ITGA9: variants seen among roughly 807,000 people sequenced by gnomAD.
The protein encoded by ITGA9 is integrin alpha-9.
Under a neutral mutation model 127.8 loss-of-function variants are expected in ITGA9, and 56 were observed. The observed-to-expected ratio is 0.44, with a 90% CI of 0.35 to 0.55. The LOEUF (loss-of-function observed/expected upper bound fraction) is 0.55. Among genes scored for constraint, ITGA9 ranks in the 20% least tolerant of loss-of-function variants. ITGA9 has a pLI of 0.00. For synonymous variants in ITGA9, 508 were observed against 514.5 expected (o/e 0.99, Z 0.17); for missense variants, 1,196 against 1,347.1 (o/e 0.89, Z 1.76).
intron 15 of ITGA9, among the ~76,000 whole-genome samples, chr3:37,616,854 G>T (rs949406016): frequency 3.3e-5 from 5 of 152,286 alleles, no homozygotes; most frequent in Non-Finnish European, 5.9e-5. Context: ...GAGCCTATGT[G>T]TGTCTCTGCA....
chr3:37,713,274 G>A (rs1701098135), intron 18 of ITGA9, among the ~76,000 whole-genome samples: 1 of 152,182 alleles, frequency 6.6e-6, no homozygotes, highest in African/African-American at 2.4e-5. Flanking sequence ...AGAAGTTCAT[G>A]TGACCTTTCC....
intron 23 of ITGA9, among the ~76,000 whole-genome samples, chr3:37,769,338 CAAA>C (rs35133772): frequency 2.6e-4 from 30 of 114,296 alleles, no homozygotes; most frequent in Admixed American, 3.4e-4. Flanking sequence ...AACTCTGTCT[CAAA>C]AAAAAAAAAA....
intron 18 of ITGA9, among the ~76,000 whole-genome samples, chr3:37,701,882 G>A (rs969005942): frequency 6.6e-6 from 1 of 152,188 alleles, no homozygotes; most frequent in Non-Finnish European, 1.5e-5. Context: ...CATTTGAGGA[G>A]ATTAAATACA....
intron 18 of ITGA9, among the ~76,000 whole-genome samples, chr3:37,730,865 G>GGT (rs1696282401): frequency 6.6e-6 from 1 of 152,208 alleles, no homozygotes; most frequent in African/African-American, 2.4e-5. Flanking sequence ...GAGCAGGCAG[G>GGT]GTGTGTGTAG....
chr3:37,480,207 G>T (rs936696241), intron 3 of ITGA9, among the ~76,000 whole-genome samples: 2 of 151,834 alleles, frequency 1.3e-5, no homozygotes, highest in Non-Finnish European at 2.9e-5. Context: ...CCACTGTCAT[G>T]TCCAAGCAGA....
intron 27 of ITGA9, among the ~76,000 whole-genome samples, chr3:37,816,416 C>T (rs1053317212): frequency 1.1e-4 from 16 of 152,202 alleles, no homozygotes; most frequent in African/African-American, 3.6e-4. Flanking sequence ...AATCCTATTT[C>T]CCTGTTACAT....
At chr3:37,792,209 A>G (rs949352874) in intron 26 of ITGA9, among the ~76,000 whole-genome samples, 1 of 152,232 alleles carries the variant, frequency 6.6e-6, no homozygotes, top group Non-Finnish European at 1.5e-5. Context: ...TCTAATGGTC[A>G]TCATTTGCTT....
At chr3:37,716,812 T>C (rs1701140313) in intron 18 of ITGA9, among the ~76,000 whole-genome samples, 2 of 152,028 alleles carry the variant, frequency 1.3e-5, no homozygotes, top group South Asian at 2.1e-4. Flanking sequence ...AAAACAAATA[T>C]AGGAGAAAAG....
At chr3:37,815,058 C>T (rs982525485) in intron 27 of ITGA9, among the ~76,000 whole-genome samples, 1 of 152,184 alleles carries the variant, frequency 6.6e-6, no homozygotes, top group Non-Finnish European at 1.5e-5. Context: ...GGGTGATTTT[C>T]AGGCCTAATG....
At chr3:37,473,202 C>G in intron 2 of ITGA9, 152 bp from the exon 3 acceptor site, 7 of 325,040 alleles carry the variant, frequency 2.2e-5, no homozygotes, top group Non-Finnish European at 2.4e-5. Flanking sequence ...AAACAGTTGT[C>G]TGGATTAAAC....
chr3:37,694,645 G>A (rs1700865829), intron 18 of ITGA9, among the ~76,000 whole-genome samples: 2 of 152,184 alleles, frequency 1.3e-5, no homozygotes, highest in Non-Finnish European at 2.9e-5. Context: ...TCCCAGAGCC[G>A]CAAGACTTGA....
At chr3:37,487,048 T>C (rs1048323495) in intron 4 of ITGA9, among the ~76,000 whole-genome samples, 2 of 152,220 alleles carry the variant, frequency 1.3e-5, no homozygotes, top group African/African-American at 4.8e-5. Context: ...CGAAGGTCCA[T>C]TTACAAATGA....
At chr3:37,587,752 G>A (rs1699772396) in intron 15 of ITGA9, among the ~76,000 whole-genome samples, 1 of 152,248 alleles carries the variant, frequency 6.6e-6, no homozygotes, top group South Asian at 2.1e-4. Context: ...GTTTTGTGAT[G>A]TAGGAATTAT....
chr3:37,761,401 G>A (rs1241328818), intron 23 of ITGA9, among the ~76,000 whole-genome samples: 1 of 152,178 alleles, frequency 6.6e-6, no homozygotes, highest in Non-Finnish European at 1.5e-5. Flanking sequence ...GATAGTAGGT[G>A]TATATTATCA....
chr3:37,666,986 A>C (rs1421054641), intron 17 of ITGA9, among the ~76,000 whole-genome samples: 1 of 152,174 alleles, frequency 6.6e-6, no homozygotes, highest in Non-Finnish European at 1.5e-5. Context: ...GCTCCCTGGC[A>C]CTTGCATCCT....
chr3:37,741,598 C>T, intron 20 of ITGA9, 132 bp from the exon 21 acceptor site: 1 of 737,262 alleles, frequency 1.4e-6, no homozygotes, highest in Non-Finnish European at 2.5e-6. Flanking sequence ...GGACCAAAAA[C>T]AGACTGAAGG....
chr3:37,725,156 C>G (rs1376414073), intron 18 of ITGA9, among the ~76,000 whole-genome samples: 10 of 152,226 alleles, frequency 6.6e-5, no homozygotes, highest in African/African-American at 2.2e-4. Context: ...CAGGGATCAA[C>G]AGGAGTGCTT....
At chr3:37,668,665 T>G (rs1469651660) in intron 17 of ITGA9, among the ~76,000 whole-genome samples, 1 of 152,178 alleles carries the variant, frequency 6.6e-6, no homozygotes, top group Non-Finnish European at 1.5e-5. Flanking sequence ...AGCAGCGCAG[T>G]TGTTTGTTGT....
chr3:37,711,061 G>C (rs1291292376), intron 18 of ITGA9, among the ~76,000 whole-genome samples: 1 of 152,222 alleles, frequency 6.6e-6, no homozygotes, highest in Non-Finnish European at 1.5e-5. Flanking sequence ...ATGTTGGCTG[G>C]GGATGCAGTT....
Sources: gnomAD v4.1 joint callset for allele counts (sites outside exome capture counted in the v4.1 genomes callset) on GRCh38, gnomAD v4.1.1 for gene constraint, MANE v1.5 for transcripts, NCBI Gene and HGNC (gene_info 2026-07-23, HGNC 2026-07-21) for gene names.